The following PRUNE1 variants were observed in gnomAD, a reference collection of about 807,000 sequenced individuals.
PRUNE1 encodes exopolyphosphatase PRUNE1.
A neutral mutation model predicts 42.5 loss-of-function variants in PRUNE1; 25 were observed. The ratio of observed to expected loss-of-function variants is 0.59; its 90% confidence interval spans 0.43 to 0.82. The LOEUF (loss-of-function observed/expected upper bound fraction) is 0.82, where lower values mean the gene tolerates loss of function less well. PRUNE1 is among the 40% of genes least tolerant of loss of function. The probability of loss-of-function intolerance (pLI) is 0.00; values close to 1 mark genes in which losing one functional copy is unlikely to be tolerated. For synonymous variants in PRUNE1, 203 were observed against 217.1 expected (o/e 0.93, Z 0.57); for missense variants, 443 against 539.3 (o/e 0.82, Z 1.77).
intron 5 of PRUNE1, among the ~76,000 whole-genome samples, chr1:151,026,469 A>G (rs1175259891): frequency 6.6e-6 from 1 of 152,084 alleles, no homozygotes; most frequent in Non-Finnish European, 1.5e-5. Flanking sequence ...AAAAAAAAAC[A>G]AAAAGAGCCT....
At chr1:151,012,720 C>T (rs762245716) in intron 1 of PRUNE1, among the ~76,000 whole-genome samples, 2 of 152,096 alleles carry the variant, frequency 1.3e-5, no homozygotes, top group African/African-American at 2.4e-5. Flanking sequence ...GGTACTATCT[C>T]ATTTAATCCT....
chr1:151,027,301 A>G lies in PRUNE1; in HGVS notation c.748A>G (p.Ile250Val), dbSNP rs774536681. Residue 250 changes from isoleucine to valine, a missense_variant, in exon 6 of 8, where the codon ATT becomes GTT. Coordinates refer to ENST00000271620, the MANE Select transcript of PRUNE1 (RefSeq NM_021222.3). ...TIYRQGVKVA[I>V]SAIYMDLEAF... The stretch of plus-strand genomic sequence containing the variant: ...CTATAGACAAGGCGTCAAGGTGGCC[A>G]TTAGTGCAATATATATGGATTTGGA... 2 of 1,608,944 alleles carry G rather than the reference A, an allele frequency of 1.2e-6. No individual in the cohort carries two copies. The highest frequency in any genetic ancestry group is 2.2e-5 in the East Asian group (1 of 44,844).
rs747821495 is a variant in PRUNE1, at chr1:151,024,776, A to G, written c.501A>G (p.Gln167=). 3.1e-6 allele frequency: 5 copies of G among 1,613,198 alleles called. No homozygotes were observed. In the South Asian group the frequency reaches 5.5e-5, roughly 18 times the overall value. ...LQGAPEILDR[Q]TAALLHGTII... is the part of the protein sequence containing the mutation. ...GGGCACCAGAGATCTTGGACAGGCAAACTGCAGCCCTTCTGCATGGTAAGG... is the reference window on the plus strand; with the variant it reads ...GGGCACCAGAGATCTTGGACAGGCAGACTGCAGCCCTTCTGCATGGTAAGG... Residue 167 remains glutamine (Q), a synonymous_variant, in exon 4 of 8, where the codon CAA becomes CAG. Coordinates refer to ENST00000271620, the MANE Select transcript of PRUNE1 (RefSeq NM_021222.3).
At chr1:151,018,161 G>T (rs112728019) in intron 2 of PRUNE1, among the ~76,000 whole-genome samples, 1 of 152,054 alleles carries the variant, frequency 6.6e-6, no homozygotes, top group Non-Finnish European at 1.5e-5. Context: ...ACTGAGTTCC[G>T]TATAGGTATC....
chr1:151,017,790 T>G, intron 1 of PRUNE1, 22 bp from the exon 2 acceptor site: 1 of 1,466,312 alleles, frequency 6.8e-7, no homozygotes, highest in Non-Finnish European at 9.4e-7. Flanking sequence ...TTTGTTAGTT[T>G]CCCATTTTCC....
chr1:151,022,352 C>A (rs191559740), intron 3 of PRUNE1, among the ~76,000 whole-genome samples: 3,736 of 151,772 alleles, frequency 0.025, 64 homozygotes, highest in Middle Eastern at 0.037. Context: ...TCAAGTGATC[C>A]GCCCGCCTCA....
intron 3 of PRUNE1, among the ~76,000 whole-genome samples, chr1:151,024,368 G>A (rs1339751248): frequency 1.3e-5 from 2 of 151,602 alleles, no homozygotes; most frequent in African/African-American, 4.9e-5. Flanking sequence ...GTTGGCAGGC[G>A]CCTTTAATCC....
At chr1:151,018,740 G>A (rs775560859) in intron 3 of PRUNE1, 71 bp downstream of exon 3, 44 of 1,415,646 alleles carry the variant, frequency 3.1e-5, no homozygotes, top group Non-Finnish European at 4.1e-5. Context: ...GATATAAAGA[G>A]AGGAAGAAAG....
chr1:151,027,454 T>A, intron 6 of PRUNE1, 127 bp downstream of exon 6: 1 of 665,494 alleles, frequency 1.5e-6, no homozygotes, highest in Non-Finnish European at 2.7e-6. Context: ...TGTCTCTACC[T>A]CCACTGTGAC....
At chr1:151,029,724 GGAAAA>G (rs1431757163) in intron 7 of PRUNE1, among the ~76,000 whole-genome samples, 1 of 150,382 alleles carries the variant, frequency 6.6e-6, no homozygotes, top group Non-Finnish European at 1.5e-5. Context: ...TCTCTGTTGG[GGAAAA>G]AAAAAAACAA....
intron 7 of PRUNE1, 22 bp from the exon 8 acceptor site, chr1:151,033,784 C>T (rs1675392193): frequency 6.3e-7 from 1 of 1,593,842 alleles, no homozygotes; most frequent in African/African-American, 1.3e-5. Flanking sequence ...GTATCATTTC[C>T]CTGTTATTGT....
At chr1:151,031,350 A>T (rs959250994) in intron 7 of PRUNE1, among the ~76,000 whole-genome samples, 1 of 150,790 alleles carries the variant, frequency 6.6e-6, no homozygotes, top group African/African-American at 2.4e-5. Flanking sequence ...TGGCTAGCTA[A>T]TTTTTTTTGT....
At chr1:151,019,179 TATAATAAA>T (rs952143799) in intron 3 of PRUNE1, among the ~76,000 whole-genome samples, 32 of 152,328 alleles carry the variant, frequency 2.1e-4, no homozygotes, top group African/African-American at 7.2e-4. Flanking sequence ...AGACATACCC[TATAATAAA>T]AAGAAATAGA....
At position 151,034,711 on chromosome 1, in the gene PRUNE1, A is replaced by T. The variant is rs1433573869; in HGVS notation, c.*477A>T. 6.3e-6 allele frequency: 1 copy of T among 159,396 alleles called. No individual in the cohort carries two copies. 9.9% of individuals were successfully genotyped at this position (159,396 alleles called of 1,614,324 possible). A position where few individuals can be genotyped will look rare whatever the true frequency, so the allele number is the denominator to read the frequency against. ...AAAAGAGAGTGCGCTTTGGAAATTT[A>T]TTCCAGTTTTCAGCCTACAGCAGAT... On this transcript the variant is annotated 3_prime_UTR_variant, in exon 8 of 8. Transcript: ENST00000271620.
At chr1:151,024,841 C>T (rs367782951) in intron 4 of PRUNE1, 46 bp downstream of exon 4, 2 of 1,546,354 alleles carry the variant, frequency 1.3e-6, no homozygotes, top group African/African-American at 1.4e-5. Context: ...CTATTCCTGT[C>T]CCTGAGAAGG....
At chr1:151,026,481 A>G (rs1639178328) in intron 5 of PRUNE1, among the ~76,000 whole-genome samples, 1 of 152,112 alleles carries the variant, frequency 6.6e-6, no homozygotes, top group South Asian at 2.1e-4. Context: ...AAAGAGCCTC[A>G]TAGGTTCCAG....
chr1:151,025,307 T>G (rs1490436968), intron 4 of PRUNE1, among the ~76,000 whole-genome samples: 7 of 152,220 alleles, frequency 4.6e-5, no homozygotes, highest in Admixed American at 4.6e-4. Context: ...GCTTTCTTTC[T>G]ACCTTTTCCC....
At chr1:151,023,957 C>T (rs938574124) in intron 3 of PRUNE1, among the ~76,000 whole-genome samples, 1 of 151,790 alleles carries the variant, frequency 6.6e-6, no homozygotes, top group Non-Finnish European at 1.5e-5. Flanking sequence ...CCAAGGCGGG[C>T]AGATCACGAG....
chr1:151,025,389 G>T, intron 4 of PRUNE1, 126 bp from the exon 5 acceptor site: 1 of 948,158 alleles, frequency 1.1e-6, no homozygotes, highest in East Asian at 2.8e-5. Context: ...TTCTCATTTT[G>T]CTTTCAGAGA....
Sources: allele counts gnomAD v4.1 joint callset (sites outside exome capture counted in the v4.1 genomes callset), GRCh38; gene constraint gnomAD v4.1.1; transcripts MANE v1.5; gene names NCBI Gene and HGNC (gene_info 2026-07-23, HGNC 2026-07-21).